Variants in VPS13C observed in about 807,000 individuals in gnomAD.
VPS13C encodes the protein vacuolar protein sorting 13 homolog C.
VPS13C carries 358 observed loss-of-function variants against 456.8 expected under a neutral mutation model. The ratio of observed to expected loss-of-function variants is 0.78; its 90% CI spans 0.72 to 0.86. VPS13C has a LOEUF of 0.86. VPS13C is among the 40% of genes least tolerant of loss of function. VPS13C has a pLI of 0.00. For missense variants in VPS13C, 4,818 were observed against 4,385.4 expected, an observed-to-expected ratio of 1.10 and a Z score of -2.79; for synonymous variants, 1,578 against 1,486.7, an observed-to-expected ratio of 1.06 and a Z score of -1.41.
chr15:61,972,595 A>G (rs2140354108), intron 27 of VPS13C, 30 bp downstream of exon 27: 1 of 1,604,978 alleles, frequency 6.2e-7, no homozygotes. Context: ...CAGCCAGAAT[A>G]TATCTATTTA....
At chr15:61,902,812 T>G (rs1314138326) in intron 66 of VPS13C, among the ~76,000 whole-genome samples, 1 of 151,772 alleles carries the variant, frequency 6.6e-6, no homozygotes, top group African/African-American at 2.4e-5. Flanking sequence ...ACTTTCACCA[T>G]TTTTATTTCA....
rs534448326 is a variant in VPS13C at position 61,985,814 on chromosome 15, T to C, written c.1579-815A>G. ...AGAACCAGGGAGATGATCCTGGAAT[T>C]TGGGGACCTGTTTCTCCTAGAGGTA... On this transcript the variant is annotated intron_variant, in intron 18 of 84. Coordinates refer to ENST00000644861, the MANE Select transcript of VPS13C (RefSeq NM_020821.3). Among the ~76,000 whole-genome samples, 16 of 152,138 alleles carry C rather than the reference T, an allele frequency of 1.1e-4. No homozygotes were observed. In the South Asian group the frequency reaches 2.9e-3, roughly 28 times the overall value.
At chr15:61,895,091 A>C (rs1423099703) in intron 66 of VPS13C, among the ~76,000 whole-genome samples, 3 of 152,218 alleles carry the variant, frequency 2.0e-5, no homozygotes, top group Admixed American at 1.3e-4. Flanking sequence ...AAAAACACAG[A>C]AATTAAATAT....
rs2140905809 is a variant in VPS13C at position 61,881,762 on chromosome 15, T to C, written c.9691A>G (p.Ile3231Val). 1.2e-6 allele frequency: 2 copies of C among 1,609,246 alleles called. No homozygotes were observed. The highest frequency in any genetic ancestry group is 1.1e-5 in the South Asian group (1 of 89,792). ...VFHPVAPPKSIALDSEPKPFI... is the reference protein window; with the variant it reads ...VFHPVAPPKSVALDSEPKPFI... ...TTTATTTTACCTGAATCTAAAGCAA[T>C]AGATTTTGGAGGGGCAACAGGATGA... The change falls in exon 70 of 85, where the codon ATT becomes GTT. Residue 3231 changes from isoleucine to valine, a missense_variant. Ile to Val is a conservative substitution (Grantham distance 29). This residue lies in a region of VPS13C where 4,552 missense variants were observed against 4,130.6 expected (regional missense o/e 1.10). Coordinates refer to ENST00000644861, the MANE Select transcript of VPS13C (RefSeq NM_020821.3).
intron 78 of VPS13C, 119 bp downstream of exon 78, chr15:61,873,127 T>C (rs959790086): frequency 2.9e-5 from 41 of 1,434,648 alleles, no homozygotes; most frequent in Non-Finnish European, 3.6e-5. Flanking sequence ...CCATCATTTA[T>C]CATTCTTTCT....
intron 52 of VPS13C, among the ~76,000 whole-genome samples, chr15:61,925,910 G>T (rs1567011716): frequency 6.6e-6 from 1 of 152,174 alleles, no homozygotes; most frequent in Non-Finnish European, 1.5e-5. Flanking sequence ...AAAGACTGTG[G>T]TAAGGTAGGT....
intron 50 of VPS13C, 146 bp downstream of exon 50, chr15:61,930,944 A>G: frequency 5.8e-6 from 5 of 855,668 alleles, no homozygotes; most frequent in Non-Finnish European, 9.2e-6. Flanking sequence ...TGATATTAGC[A>G]CTACTTCTTA....
intron 1 of VPS13C, among the ~76,000 whole-genome samples, chr15:62,054,486 A>G (rs12916800): frequency 0.55 from 83,744 of 151,998 alleles, 23,391 homozygotes; most frequent in Admixed American, 0.63. Context: ...AAACCAAACA[A>G]CACATGTTCT....
At chr15:61,904,123 A>C (rs184836995) in intron 66 of VPS13C, among the ~76,000 whole-genome samples, 1 of 152,164 alleles carries the variant, frequency 6.6e-6, no homozygotes, top group East Asian at 1.9e-4. Context: ...AAGTGAAAAC[A>C]AACATATAGG....
intron 20 of VPS13C, among the ~76,000 whole-genome samples, chr15:61,983,491 T>C (rs933378416): frequency 6.6e-6 from 1 of 151,820 alleles, no homozygotes; most frequent in East Asian, 1.9e-4. Context: ...AAAGAGAAAA[T>C]ATACAAAAAA....
Position 61,959,521 on chromosome 15 carries a change from T to A in VPS13C, c.3983A>T (p.Asn1328Ile). 6.2e-7 allele frequency: 1 copy of A among 1,613,192 alleles called. No homozygotes were observed. The highest frequency in any genetic ancestry group is 8.5e-7 in the Non-Finnish European group (1 of 1,179,414). Reference protein sequence around the residue: ...LHPINLEFLVNRNLAASWYHK... With the variant: ...LHPINLEFLVIRNLAASWYHK... Reference sequence around the variant, plus strand: ...GTACCAAGATGCAGCTAGATTCCGATTTACAAGAAATTCCAAGTTAATTGG... The same window carrying A: ...GTACCAAGATGCAGCTAGATTCCGAATTACAAGAAATTCCAAGTTAATTGG... The change falls in exon 36 of 85, where the codon AAT (asparagine) becomes ATT (isoleucine). Residue 1328 changes from asparagine to isoleucine, a missense_variant. This residue lies in a region of VPS13C where 4,552 missense variants were observed against 4,130.6 expected (regional missense o/e 1.10). Transcript: ENST00000644861.
chr15:61,922,103 G>A (rs1434511215), intron 54 of VPS13C, 70 bp from the exon 55 acceptor site: 18 of 1,484,622 alleles, frequency 1.2e-5, no homozygotes, highest in Non-Finnish European at 1.7e-5. Context: ...AACCAATAGG[G>A]AAATTATTAA....
chr15:62,010,700 A>T, intron 12 of VPS13C, 101 bp from the exon 13 acceptor site: 1 of 1,182,164 alleles, frequency 8.5e-7, no homozygotes, highest in Non-Finnish European at 1.1e-6. Flanking sequence ...GTAAAGAAAA[A>T]TGATCAAAAA....
intron 66 of VPS13C, among the ~76,000 whole-genome samples, chr15:61,900,529 A>T (rs1227200909): frequency 6.6e-6 from 1 of 152,170 alleles, no homozygotes; most frequent in Non-Finnish European, 1.5e-5. Flanking sequence ...AGAGAATAAA[A>T]TACCTAGGAA....
At chr15:61,896,566 C>G (rs573841662) in intron 66 of VPS13C, among the ~76,000 whole-genome samples, 132 of 152,252 alleles carry the variant, frequency 8.7e-4, no homozygotes, top group African/African-American at 2.9e-3. Context: ...CGGCGCACCA[C>G]GAGATTATAT....
At chr15:61,971,541 G>C (rs939364264) in intron 27 of VPS13C, among the ~76,000 whole-genome samples, 3 of 152,150 alleles carry the variant, frequency 2.0e-5, no homozygotes, top group Non-Finnish European at 2.9e-5. Flanking sequence ...GATTACAGGC[G>C]TGAGCCACCA....
At chr15:61,974,709 C>T (rs1222067081) in intron 24 of VPS13C, among the ~76,000 whole-genome samples, 1 of 152,164 alleles carries the variant, frequency 6.6e-6, no homozygotes, top group African/African-American at 2.4e-5. Flanking sequence ...CAAAACACTA[C>T]TTCCTGGTAT....
chr15:61,862,343 T>C (rs1185905591), intron 82 of VPS13C, among the ~76,000 whole-genome samples: 1 of 152,126 alleles, frequency 6.6e-6, no homozygotes, highest in Non-Finnish European at 1.5e-5. Flanking sequence ...TTCAATGTAC[T>C]TGAAGAAAAA....
At chr15:61,952,437 C>G (rs1409060137) in intron 38 of VPS13C, among the ~76,000 whole-genome samples, 2 of 152,012 alleles carry the variant, frequency 1.3e-5, no homozygotes, top group Admixed American at 6.6e-5. Flanking sequence ...CAATCATTGT[C>G]CTAAGGGAGG....
Sources: allele counts gnomAD v4.1 joint callset (sites outside exome capture counted in the v4.1 genomes callset), GRCh38; gene constraint gnomAD v4.1.1; regional missense constraint gnomAD v4.1.1; transcripts MANE v1.5; gene names NCBI Gene and HGNC (gene_info 2026-07-23, HGNC 2026-07-21).